SRP14: variants seen among roughly 807,000 people sequenced by gnomAD.
SRP14 encodes signal recognition particle 14 kDa protein.
A neutral mutation model predicts 16.0 loss-of-function variants in SRP14; 1 was observed. The ratio of observed to expected loss-of-function variants is 0.06; its 90% CI spans 0.02 to 0.30. The LOEUF (loss-of-function observed/expected upper bound fraction) is 0.30. SRP14 is among the 10% of genes least tolerant of loss of function. SRP14 has a pLI of 1.00. For synonymous variants in SRP14, 67 were observed against 60.1 expected (o/e 1.12, Z -0.53); for missense variants, 120 against 163.1 (o/e 0.74, Z 1.44).
chr15:40,037,104 G>A lies in SRP14; in HGVS notation c.211-86C>T, dbSNP rs147032337. ...CCCAGATAGTATCTCAAAAGCCTCCGGAAGACAATATCCTTATCTTTAAAA... is the reference window on the plus strand; with the variant it reads ...CCCAGATAGTATCTCAAAAGCCTCCAGAAGACAATATCCTTATCTTTAAAA... On this transcript the variant is annotated intron_variant, in intron 3 of 4. Transcript: ENST00000267884. 3.9e-3 allele frequency: 5,728 copies of A among 1,456,832 alleles called. 25 individuals carry two copies. The highest frequency in any genetic ancestry group is 5.8e-3 in the Admixed American group (277 of 48,052). The allele number at this position is 1,456,832 out of a possible 1,614,324, so 90.2% of individuals were successfully genotyped here.
At chr15:40,038,819 G>A (rs2035672949) in intron 2 of SRP14, 57 bp downstream of exon 2, 2 of 1,579,810 alleles carry the variant, frequency 1.3e-6, no homozygotes, top group African/African-American at 1.3e-5. Context: ...AGACTCCGGT[G>A]GCTCCCAGAC....
chr15:40,037,954 C>T (rs960228399), intron 3 of SRP14, among the ~76,000 whole-genome samples: 2 of 152,318 alleles, frequency 1.3e-5, no homozygotes, highest in Non-Finnish European at 2.9e-5. Context: ...CACCTGGTAC[C>T]AAGAAACTGC....
In SRP14 at chr15:40,036,211, A is replaced by G. The variant is rs1190069236; in HGVS notation, c.*122T>C. 1 of 1,502,542 alleles carries G rather than the reference A, an allele frequency of 6.7e-7. No homozygotes were observed. Among genetic ancestry groups the G allele is most frequent in the Non-Finnish European group, 9.0e-7 (1 of 1,112,228 alleles). The allele number at this position is 1,502,542 out of a possible 1,614,324, so 93.1% of individuals were successfully genotyped here. On this transcript the variant is annotated 3_prime_UTR_variant, in exon 5 of 5. Coordinates refer to ENST00000267884, the MANE Select transcript of SRP14 (RefSeq NM_003134.6). ...TATAAACACTGCAACTATTCTTTCC[A>G]AAAGGACCCTAATCTTATGTGAAAA...
At chr15:40,038,225 C>G in intron 3 of SRP14, 57 bp downstream of exon 3, 1 of 1,393,538 alleles carries the variant, frequency 7.2e-7, no homozygotes, top group Non-Finnish European at 1.0e-6. Flanking sequence ...AACGCCCCAT[C>G]CTCTGTTAAG....
rs187639661 is a variant in SRP14, at chr15:40,037,164, A to G, written c.211-146T>C. 3.2e-6 allele frequency: 4 copies of G among 1,246,726 alleles called. No homozygotes were observed. In the Admixed American group the frequency reaches 1.2e-4, roughly 38 times the overall value. 77.2% of individuals were successfully genotyped at this position (1,246,726 alleles called of 1,614,324 possible). A position where few individuals can be genotyped will look rare whatever the true frequency, so the allele number is the denominator to read the frequency against. On this transcript the variant is annotated intron_variant, in intron 3 of 4. Coordinates refer to ENST00000267884, the MANE Select transcript of SRP14 (RefSeq NM_003134.6). ...CCAACTTCAGGGTTCATAATACACG[A>G]ATGGTTATTTTTCTACTCTACTTTC...
chr15:40,037,212 G>A (rs1238709659), intron 3 of SRP14, 194 bp from the exon 4 acceptor site: 1 of 1,192,124 alleles, frequency 8.4e-7, no homozygotes, highest in Non-Finnish European at 1.1e-6. Flanking sequence ...AACAAGAAAA[G>A]GAGCTCTGCA....
rs746290708 is a variant in SRP14, at chr15:40,039,161, T to G, written c.-45A>C. ...CTCCCTCCGCTTAAGCCCCTAGCAGTGAGAGCCGGAAGTTCGGCCTAGGCT... is the reference window on the plus strand; with the variant it reads ...CTCCCTCCGCTTAAGCCCCTAGCAGGGAGAGCCGGAAGTTCGGCCTAGGCT... On this transcript the variant is annotated 5_prime_UTR_variant, in exon 1 of 5. Coordinates refer to ENST00000267884, the MANE Select transcript of SRP14 (RefSeq NM_003134.6). 1 of 1,595,888 alleles carries G rather than the reference T, an allele frequency of 6.3e-7. No homozygotes were observed. The highest frequency in any genetic ancestry group is 1.3e-5 in the African/African-American group (1 of 74,678).
At chr15:40,038,249 A>C in intron 3 of SRP14, 33 bp downstream of exon 3, 4 of 1,533,594 alleles carry the variant, frequency 2.6e-6, no homozygotes, top group Non-Finnish European at 3.6e-6. Flanking sequence ...AAGTCTTTAC[A>C]TTTCAAAAGA....
chr15:40,038,141 A>C, intron 3 of SRP14, 141 bp downstream of exon 3: 7 of 664,390 alleles, frequency 1.1e-5, no homozygotes, highest in Non-Finnish European at 1.8e-5. Context: ...CCACTACTAA[A>C]GTATAGGAAG....
Position 40,036,359 on chromosome 15 carries a change from T to G in SRP14, c.385A>C (p.Thr129Pro). The G allele has an allele frequency of 1.2e-6, 2 of 1,611,970 alleles. No homozygotes were observed. Among genetic ancestry groups the G allele is most frequent in the South Asian group, 2.2e-5 (2 of 90,598 alleles). The change falls in exon 5 of 5, where the codon ACA (threonine) becomes CCA (proline). Residue 129 changes from threonine (T) to proline (P), a missense_variant. Physicochemically the swap from Thr to Pro is conservative, Grantham distance 38. Transcript: ENST00000267884. ...AAATAPTTAATTAATAAQ is the reference protein window; with the variant it reads ...AAATAPTTAAPTAATAAQ ...TACTGTGCTGCTGTTGCTGCTGTTG[T>G]TGCTGCTGTTGTTGGTGCTGTTGCT...
intron 2 of SRP14, 48 bp from the exon 3 acceptor site, chr15:40,038,442 A>T (rs775832126): frequency 7.7e-7 from 1 of 1,300,390 alleles, no homozygotes; most frequent in South Asian, 1.2e-5. Flanking sequence ...TACGTGGCTG[A>T]GCGGCAGACA....
rs1361669324 is a variant in SRP14 at position 40,037,411 on chromosome 15, ATATT to A, written c.211-397_211-394del. On this transcript the variant is annotated intron_variant, in intron 3 of 4. Coordinates refer to ENST00000267884, the MANE Select transcript of SRP14 (RefSeq NM_003134.6). ...AATTTTTTATACATTAATAGAAGAT[ATATT>A]TAAACTACTCCCTCCCCATCTTATT... 1.2e-4 allele frequency: 130 copies of A among 1,115,854 alleles called. 3 individuals are homozygous for A. In the South Asian group the frequency reaches 1.9e-3, roughly 16 times the overall value. 69.1% of individuals were successfully genotyped at this position (1,115,854 alleles called of 1,614,324 possible).
intron 2 of SRP14, 191 bp from the exon 3 acceptor site, chr15:40,038,585 T>C: frequency 1.6e-6 from 1 of 609,574 alleles, no homozygotes; most frequent in Non-Finnish European, 2.9e-6. Context: ...GACGGAAACA[T>C]GTAATATCGA....
At chr15:40,038,845 A>G (rs2035673699) in intron 2 of SRP14, 31 bp downstream of exon 2, 1 of 1,610,814 alleles carries the variant, frequency 6.2e-7, no homozygotes, top group Non-Finnish European at 8.5e-7. Context: ...GAACCCAGGG[A>G]GCATCGCCCG....
At chr15:40,036,793 A>G in intron 4 of SRP14, 193 bp downstream of exon 4, 1 of 688,482 alleles carries the variant, frequency 1.5e-6, no homozygotes, top group Non-Finnish European at 2.5e-6. Flanking sequence ...CTAAGACAAA[A>G]TCTAACTTAA....
rs944613497 is a variant in SRP14, at chr15:40,035,941, T to C, written c.*392A>G. On this transcript the variant is annotated 3_prime_UTR_variant, in exon 5 of 5. Transcript: ENST00000267884. ...TTCAATTCTAATAACCTAGAAGATA[T>C]TATAGAGCTAAAGCCTATTCATTAA... 2 of 173,910 alleles carry C rather than the reference T, an allele frequency of 1.2e-5. No individual in the cohort carries two copies. Among genetic ancestry groups the C allele is most frequent in the African/African-American group, 4.7e-5 (2 of 42,198 alleles). The allele number at this position is 173,910 out of a possible 1,614,324, so 10.8% of individuals were successfully genotyped here.
At chr15:40,038,642 A>T (rs1292981124) in intron 2 of SRP14, 1 of 611,848 alleles carries the variant, frequency 1.6e-6, no homozygotes, top group Non-Finnish European at 2.9e-6. Flanking sequence ...GATCCCTGAC[A>T]AAGAGCCCTG....
chr15:40,039,188 G>A (rs1282641159), upstream of SRP14: 28 of 1,551,412 alleles, frequency 1.8e-5, no homozygotes, highest in East Asian at 5.4e-4. Flanking sequence ...GCCTAGGCTG[G>A]GCGGGACTTC....
rs1421448883 is a variant in SRP14, at chr15:40,039,088, C to A, written c.24+5G>T. The A allele has an allele frequency of 7.4e-6, 12 of 1,612,438 alleles. No individual in the cohort carries two copies. Among genetic ancestry groups the A allele is most frequent in the Non-Finnish European group, 1.0e-5 (12 of 1,179,614 alleles). On this transcript the variant is annotated splice_donor_5th_base_variant and intron_variant, in intron 1 of 4. Transcript: ENST00000267884. The stretch of plus-strand genomic sequence containing the variant: ...CTTCCCTCGGCCGGCCAGGCCTAGC[C>A]ATACCTGCTCGCTCTCCAACAACAC...
Sources: allele counts gnomAD v4.1 joint callset (sites outside exome capture counted in the v4.1 genomes callset), GRCh38; gene constraint gnomAD v4.1.1; transcripts MANE v1.5; gene names NCBI Gene and HGNC (gene_info 2026-07-23, HGNC 2026-07-21).